Variants in USP15 observed in about 807,000 individuals in gnomAD.
USP15 encodes ubiquitin carboxyl-terminal hydrolase 15.
USP15 carries 18 observed loss-of-function variants against 127.1 expected under a neutral mutation model. The observed-to-expected ratio is 0.14, with a 90% CI of 0.10 to 0.21. The LOEUF is 0.21. Among genes scored for constraint, USP15 ranks in the 10% least tolerant of loss-of-function variants. The pLI is 1.00. For synonymous variants in USP15, 364 were observed against 393.7 expected (o/e 0.92, Z 0.89); for missense variants, 805 against 1,159.9 (o/e 0.69, Z 4.44).
chr12:62,336,077 T>C, intron 6 of USP15: 1 of 985,424 alleles, frequency 1.0e-6, no homozygotes. Flanking sequence ...ACTAACTGTT[T>C]GCAGCAGCTC....
chr12:62,294,987 GAC>G (rs1482870470), intron 2 of USP15, among the ~76,000 whole-genome samples: 2 of 152,124 alleles, frequency 1.3e-5, no homozygotes, highest in African/African-American at 4.8e-5. Flanking sequence ...AGATTTCCAA[GAC>G]ACAACATGGG....
At chr12:62,297,790 A>G (rs1408227103) in intron 2 of USP15, among the ~76,000 whole-genome samples, 3 of 152,182 alleles carry the variant, frequency 2.0e-5, no homozygotes, top group African/African-American at 4.8e-5. Flanking sequence ...AATCAGGGAA[A>G]CGTGACACAA....
At chr12:62,368,851 T>G (rs1350425532) in intron 8 of USP15, among the ~76,000 whole-genome samples, 3 of 152,220 alleles carry the variant, frequency 2.0e-5, no homozygotes, top group African/African-American at 7.2e-5. Flanking sequence ...GTCATTACGA[T>G]AGTAACTGGT....
rs939578182 is a variant in USP15, at chr12:62,374,675, AT to A, written c.916-6814del. On this transcript the variant is annotated intron_variant, in intron 8 of 21. Transcript: ENST00000280377. ...GACTTCATCAATTTATAAAAAACTT[AT>A]GTAGAAATTTAGCAAAATACAAAAT... 5.6e-5 allele frequency: 45 copies of A among 804,892 alleles called. No individual in the cohort carries two copies. In the Admixed American group the frequency reaches 8.7e-4, roughly 16 times the overall value. The allele number at this position is 804,892 out of a possible 1,614,324, so 49.9% of individuals were successfully genotyped here.
intron 1 of USP15, among the ~76,000 whole-genome samples, chr12:62,286,612 A>T (rs559877287): frequency 8.5e-4 from 130 of 152,326 alleles, no homozygotes; most frequent in Middle Eastern, 3.4e-3. Flanking sequence ...GAATCAACCC[A>T]GGTGCCCATC....
chr12:62,342,189 G>A (rs944491857), intron 6 of USP15, among the ~76,000 whole-genome samples: 3 of 151,558 alleles, frequency 2.0e-5, no homozygotes, highest in Admixed American at 1.3e-4. Flanking sequence ...CCTTTCTTCC[G>A]CTTGATCGAT....
In USP15 at chr12:62,285,634, G is replaced by GGT. The variant is rs560025097; in HGVS notation, c.90-8532_90-8531dup. 3.2e-3 allele frequency among the ~76,000 whole-genome samples: 480 copies of GGT among 151,610 alleles called. 6 individuals carry two copies. Among genetic ancestry groups the GGT allele is most frequent in the Admixed American group, 0.013 (205 of 15,234 alleles). On this transcript the variant is annotated intron_variant, in intron 1 of 21. Transcript: ENST00000280377. ...TTTTTATGGCTGAGTAGTATTCCAT[G>GGT]GTGTGTGTGTGTGTATCCATATATG... is the stretch of plus-strand genomic sequence containing the variant.
Position 62,335,208 on chromosome 12 carries a change from A to G in USP15, c.683+9275A>G, listed in dbSNP as rs772591357. On this transcript the variant is annotated intron_variant, in intron 6 of 21. Transcript: ENST00000280377. ...GTTGCTAGTGAACAGTTTAATTTCC[A>G]CATACGTCACAGAAAGAGAGCTAAA... The G allele has an allele frequency of 3.9e-5, 60 of 1,535,476 alleles. 1 individual carries two copies. In the South Asian group the frequency reaches 4.9e-4, roughly 12 times the overall value.
chr12:62,414,132 T>A lies in USP15; in HGVS notation c.*9757T>A, dbSNP rs1421929577. ...AAAGATTACTGATCACAGATCACCG[T>A]AACAGATACAATAATAATGAAGACA... On this transcript the variant is annotated 3_prime_UTR_variant, in exon 22 of 22. Coordinates refer to ENST00000280377, the MANE Select transcript of USP15 (RefSeq NM_001252078.2). 2 of 152,120 alleles carry A rather than the reference T, an allele frequency of 1.3e-5. No individual in the cohort carries two copies. Among genetic ancestry groups the A allele is most frequent in the African/African-American group, 4.8e-5 (2 of 41,424 alleles). The allele number at this position is 152,120 out of a possible 1,614,324, so 9.4% of individuals were successfully genotyped here. A position where few individuals can be genotyped will look rare whatever the true frequency, so the allele number is the denominator to read the frequency against.
chr12:62,279,586 A>G (rs766062201), intron 1 of USP15, among the ~76,000 whole-genome samples: 1 of 152,168 alleles, frequency 6.6e-6, no homozygotes, highest in Non-Finnish European at 1.5e-5. Flanking sequence ...CATATTATAT[A>G]GTCTACAAGA....
At chr12:62,334,154 CTG>C (rs543616704) in intron 6 of USP15, 112 of 152,310 alleles carry the variant, frequency 7.4e-4, no homozygotes, top group African/African-American at 2.6e-3. Context: ...CTAATCTTCT[CTG>C]TATCGTTCCA....
At chr12:62,348,047 A>C (rs1212754512) in intron 6 of USP15, among the ~76,000 whole-genome samples, 1 of 151,980 alleles carries the variant, frequency 6.6e-6, no homozygotes, top group Non-Finnish European at 1.5e-5. Context: ...TGCAAAAAAA[A>C]TTTGTTTTTA....
At chr12:62,261,960 C>A (rs1191990454) in intron 1 of USP15, among the ~76,000 whole-genome samples, 2 of 152,042 alleles carry the variant, frequency 1.3e-5, no homozygotes, top group Non-Finnish European at 2.9e-5. Context: ...TTATTGTTGG[C>A]CTGGCAGGGT....
intron 1 of USP15, among the ~76,000 whole-genome samples, chr12:62,266,121 C>CA (rs952749097): frequency 1.3e-5 from 2 of 151,948 alleles, no homozygotes; most frequent in Non-Finnish European, 2.9e-5. Flanking sequence ...TACATTCAGA[C>CA]AAAAAAATTT....
chr12:62,333,914 A>G lies in USP15; in HGVS notation c.683+7981A>G, dbSNP rs143804905. Among the ~76,000 whole-genome samples, 269 of 152,250 alleles carry G rather than the reference A, an allele frequency of 1.8e-3. 1 individual carries two copies. Among genetic ancestry groups the G allele is most frequent in the African/African-American group, 6.4e-3 (265 of 41,574 alleles). On this transcript the variant is annotated intron_variant, in intron 6 of 21. Coordinates refer to ENST00000280377, the MANE Select transcript of USP15 (RefSeq NM_001252078.2). The stretch of plus-strand genomic sequence containing the variant: ...TGAAGAAGGACAGTTGGCATCAAAT[A>G]GAATAATCATGAAGGCTCAGGAAAA...
At chr12:62,332,700 A>G (rs1006677732) in intron 6 of USP15, among the ~76,000 whole-genome samples, 1 of 152,262 alleles carries the variant, frequency 6.6e-6, no homozygotes, top group East Asian at 1.9e-4. Context: ...AGAAAAATGT[A>G]CTATCGTCCA....
At chr12:62,378,061 G>A (rs574555168) in intron 8 of USP15, among the ~76,000 whole-genome samples, 6 of 151,590 alleles carry the variant, frequency 4.0e-5, no homozygotes, top group Non-Finnish European at 7.4e-5. Context: ...ACAAAAATTA[G>A]CCAGGTGCGG....
chr12:62,322,081 C>A (rs1225474987), intron 5 of USP15, among the ~76,000 whole-genome samples: 1 of 152,136 alleles, frequency 6.6e-6, no homozygotes, highest in East Asian at 1.9e-4. Flanking sequence ...GCTAAGTGAA[C>A]TCTAGTTTGC....
chr12:62,284,712 T>G (rs1170909482), intron 1 of USP15, among the ~76,000 whole-genome samples: 2 of 152,130 alleles, frequency 1.3e-5, no homozygotes, highest in Non-Finnish European at 2.9e-5. Flanking sequence ...TGAACCTGGT[T>G]AAATGTGGGA....
Sources: allele counts gnomAD v4.1 joint callset (sites outside exome capture counted in the v4.1 genomes callset), GRCh38; gene constraint gnomAD v4.1.1; transcripts MANE v1.5; gene names NCBI Gene and HGNC (gene_info 2026-07-23, HGNC 2026-07-21).